Variants in DAO observed in about 807,000 individuals in gnomAD.
The protein encoded by DAO is D-amino acid oxidase, also known as D-amino-acid oxidase.
In DAO, 51 loss-of-function variants were observed where a neutral mutation model predicts 50.1. That is an observed-to-expected ratio of 1.02 (90% CI 0.81 to 1.29). DAO has a LOEUF of 1.29. Among genes scored for constraint, DAO ranks in the 50% most tolerant of loss-of-function variants. DAO has a pLI of 0.00. For missense variants in DAO, 436 were observed against 439.4 expected (o/e 0.99, Z 0.07); for synonymous variants, 160 against 166.2 (o/e 0.96, Z 0.29).
chr12:108,887,998 C>T (rs369732306), intron 3 of DAO, among the ~76,000 whole-genome samples: 19 of 152,294 alleles, frequency 1.2e-4, no homozygotes, highest in African/African-American at 2.2e-4. Flanking sequence ...TTACAGCTAG[C>T]GACTAATTTA....
chr12:108,887,385 G>A, intron 2 of DAO, 65 bp from the exon 3 acceptor site: 2 of 1,191,694 alleles, frequency 1.7e-6, no homozygotes, highest in Non-Finnish European at 2.5e-6. Flanking sequence ...CCCCATGCCA[G>A]CTGACCTAAG....
rs139166976 is a variant in DAO at position 108,894,350 on chromosome 12, C to G, written c.595C>G (p.Arg199Gly). The G allele has an allele frequency of 1.2e-6, 2 of 1,613,446 alleles. No homozygotes were observed. Among genetic ancestry groups the G allele is most frequent in the Non-Finnish European group, 1.7e-6 (2 of 1,179,692 alleles). The change falls in exon 7 of 11, where the codon CGG (arginine) becomes GGG (glycine). Residue 199 changes from arginine (R) to glycine (G), a missense_variant. Coordinates refer to ENST00000228476, the MANE Select transcript of DAO (RefSeq NM_001917.5). Reference protein sequence around the residue: ...LQRDPLLQPGRGQIMKVDAPW... With the variant: ...LQRDPLLQPGGGQIMKVDAPW... ...ACGAGACCCCCTGCTGCAGCCAGGC[C>G]GGGGGCAGATCATGAAGGTGAGTGT... is the stretch of plus-strand genomic sequence containing the variant.
rs757422803 is a variant in DAO, at chr12:108,897,074, G to A, written c.681G>A (p.Pro227=). 38 of 1,613,276 alleles carry A rather than the reference G, an allele frequency of 2.4e-5. No homozygotes were observed. Among genetic ancestry groups the A allele is most frequent in the South Asian group, 1.2e-4 (11 of 91,054 alleles). ...HDPERGIYNS[P]YIIPGTQTVT... ...CAGAGAGAGGCATCTACAATTCCCCGTACATCATCCCAGGGTAAAATTGGA... is the reference window on the plus strand; with the variant it reads ...CAGAGAGAGGCATCTACAATTCCCCATACATCATCCCAGGGTAAAATTGGA... The change falls in exon 8 of 11, where the codon CCG becomes CCA. Residue 227 remains proline, a synonymous_variant. Coordinates refer to ENST00000228476, the MANE Select transcript of DAO (RefSeq NM_001917.5).
At chr12:108,894,507 A>T in intron 7 of DAO, 140 bp downstream of exon 7, 1 of 708,680 alleles carries the variant, frequency 1.4e-6, no homozygotes, top group South Asian at 1.7e-5. Flanking sequence ...ACATGTAAAA[A>T]AAACAAACCT....
At chr12:108,894,418 G>C in intron 7 of DAO, 51 bp downstream of exon 7, 1 of 1,355,106 alleles carries the variant, frequency 7.4e-7, no homozygotes. Flanking sequence ...AGATCATTCT[G>C]CATGCTTATT....
chr12:108,888,421 T>C (rs12426462), intron 3 of DAO, among the ~76,000 whole-genome samples: 52,023 of 151,524 alleles, frequency 0.34, 10,138 homozygotes, highest in Admixed American at 0.48. Context: ...CTGCAACCTC[T>C]GCTTCCTGGG....
At chr12:108,880,434 G>A in intron 1 of DAO, 1 of 305,452 alleles carries the variant, frequency 3.3e-6, no homozygotes, top group Non-Finnish European at 6.5e-6. Flanking sequence ...TCTTCACCTG[G>A]AACATGGGGA....
intron 1 of DAO, among the ~76,000 whole-genome samples, chr12:108,881,266 G>A (rs1425505599): frequency 1.3e-5 from 2 of 148,340 alleles, no homozygotes; most frequent in Non-Finnish European, 3.0e-5. Flanking sequence ...TTGAAGTAAT[G>A]ATGTAAAACA....
intron 7 of DAO, among the ~76,000 whole-genome samples, chr12:108,895,301 A>G (rs868175217): frequency 6.7e-6 from 1 of 148,848 alleles, no homozygotes; most frequent in African/African-American, 2.5e-5. Context: ...ATGTGTGCAT[A>G]TGTGTGTGTG....
intron 7 of DAO, 34 bp downstream of exon 7, chr12:108,894,401 A>G (rs1189613184): frequency 6.8e-7 from 1 of 1,480,366 alleles, no homozygotes; most frequent in South Asian, 1.2e-5. Flanking sequence ...ACCTTTTGTT[A>G]ATAGGAAGAT....
intron 1 of DAO, among the ~76,000 whole-genome samples, chr12:108,881,982 A>G (rs1335916174): frequency 6.6e-6 from 1 of 151,754 alleles, no homozygotes; most frequent in Non-Finnish European, 1.5e-5. Flanking sequence ...ATTTTATCTT[A>G]TTTTATATTA....
intron 7 of DAO, among the ~76,000 whole-genome samples, chr12:108,895,915 C>A (rs1338154216): frequency 1.3e-5 from 2 of 151,740 alleles, no homozygotes; most frequent in Non-Finnish European, 2.9e-5. Context: ...AGTCTCAAAT[C>A]ATCGAGGTTT....
chr12:108,896,419 C>CAAAAAAAAAAAAAAAAAAAAAAAAAAAAA (rs386377704), intron 7 of DAO, among the ~76,000 whole-genome samples: 2 of 59,542 alleles, frequency 3.4e-5, no homozygotes, highest in African/African-American at 1.3e-4. Context: ...GAGGCTGTCT[C>CAAAAAAAAAAAAAAAAAAAAAAAAAAAAA]AAAAAAAAAA....
intron 5 of DAO, among the ~76,000 whole-genome samples, chr12:108,892,012 C>A (rs2039496702): frequency 6.6e-6 from 1 of 152,094 alleles, no homozygotes; most frequent in Non-Finnish European, 1.5e-5. Flanking sequence ...GACCCTTGTC[C>A]AGTCTTTTCC....
In DAO at chr12:108,885,145, G is replaced by T; in HGVS notation, c.139G>T (p.Val47Leu). 6.2e-7 allele frequency: 1 copy of T among 1,613,370 alleles called. No homozygotes were observed. The highest frequency in any genetic ancestry group is 8.5e-7 in the Non-Finnish European group (1 of 1,179,440). Residue 47 changes from valine (V) to leucine (L), a missense_variant, in exon 2 of 11, where the codon GTG (valine) becomes TTG (leucine). Physicochemically the swap from Val to Leu is conservative, Grantham distance 32 (BLOSUM62 1). Coordinates refer to ENST00000228476, the MANE Select transcript of DAO (RefSeq NM_001917.5). ...CTTCACCCCACTCACCACCACCGACGTGGCTGCCGGCCTCTGGCAGCCCTA... is the reference window on the plus strand; with the variant it reads ...CTTCACCCCACTCACCACCACCGACTTGGCTGCCGGCCTCTGGCAGCCCTA... ...DRFTPLTTTD[V>L]AAGLWQPYLS...
chr12:108,888,131 G>T (rs1380493752), intron 3 of DAO, among the ~76,000 whole-genome samples: 1 of 152,196 alleles, frequency 6.6e-6, no homozygotes, highest in African/African-American at 2.4e-5. Context: ...GCAGAGCTGG[G>T]ATTTGAACCC....
chr12:108,885,124 AC>A lies in DAO; in HGVS notation c.122del (p.Pro41HisfsTer36). ...LDIKVYADRF[T>X]PLTTTDVAAG... ...CATAAAGGTCTACGCGGACCGCTTC[AC>A]CCCACTCACCACCACCGACGTGGCT... On this transcript the variant is annotated frameshift_variant, in exon 2 of 11. Coordinates refer to ENST00000228476, the MANE Select transcript of DAO (RefSeq NM_001917.5). LOFTEE classifies it high-confidence loss of function. 6.2e-7 allele frequency: 1 copy of A among 1,612,788 alleles called. No individual in the cohort carries two copies. The highest frequency in any genetic ancestry group is 1.1e-5 in the South Asian group (1 of 91,040).
intron 7 of DAO, among the ~76,000 whole-genome samples, chr12:108,895,267 ATG>A (rs377729036): frequency 1.5e-3 from 214 of 144,440 alleles, no homozygotes; most frequent in African/African-American, 4.8e-3. Flanking sequence ...GTGTGCATGT[ATG>A]TGTGTGTGTG....
chr12:108,896,959 C>CATTG (rs767504396), intron 7 of DAO, 47 bp from the exon 8 acceptor site: 2 of 1,448,014 alleles, frequency 1.4e-6, no homozygotes, highest in South Asian at 1.1e-5. Context: ...AGGGCAGCCA[C>CATTG]ATTGACTCAC....
Sources: allele counts gnomAD v4.1 joint callset (sites outside exome capture counted in the v4.1 genomes callset), GRCh38; gene constraint gnomAD v4.1.1; transcripts MANE v1.5; gene names NCBI Gene and HGNC (gene_info 2026-07-23, HGNC 2026-07-21).